The following PCDH9 variants were observed in gnomAD, a reference collection of about 807,000 sequenced individuals.
PCDH9 encodes the protein protocadherin-9.
In PCDH9, 24 loss-of-function variants were observed where a neutral mutation model predicts 70.6. The ratio of observed to expected loss-of-function variants is 0.34; its 90% CI spans 0.25 to 0.48. The LOEUF (loss-of-function observed/expected upper bound fraction) is 0.48. PCDH9 is among the 20% of genes least tolerant of loss of function. The pLI is 0.99. For missense variants in PCDH9, 1,281 were observed against 1,503.6 expected (o/e 0.85, Z 2.45); for synonymous variants, 562 against 558.5 (o/e 1.01, Z -0.09).
At chr13:66,689,898 C>T (rs2078458211) in intron 3 of PCDH9, among the ~76,000 whole-genome samples, 1 of 152,080 alleles carries the variant, frequency 6.6e-6, no homozygotes, top group African/African-American at 2.4e-5. Flanking sequence ...TTCTTGTCTT[C>T]TTTTTTATTT....
intron 2 of PCDH9, among the ~76,000 whole-genome samples, chr13:67,187,927 T>G (rs539409385): frequency 6.6e-6 from 1 of 152,220 alleles, no homozygotes; most frequent in East Asian, 1.9e-4. Context: ...AATTTTAATC[T>G]TTTAGTTATT....
At chr13:66,672,549 A>G (rs926709156) in intron 3 of PCDH9, among the ~76,000 whole-genome samples, 9 of 152,196 alleles carry the variant, frequency 5.9e-5, no homozygotes, top group Admixed American at 3.9e-4. Context: ...CTGTGAGAAG[A>G]CAGCCACCGT....
At chr13:67,117,803 G>C (rs2086806239) in intron 2 of PCDH9, among the ~76,000 whole-genome samples, 1 of 151,968 alleles carries the variant, frequency 6.6e-6, no homozygotes. Flanking sequence ...AGGTTTTTGA[G>C]TTATAAAAAT....
intron 4 of PCDH9, among the ~76,000 whole-genome samples, chr13:66,370,177 A>C (rs781177509): frequency 5.9e-5 from 9 of 152,034 alleles, no homozygotes; most frequent in Non-Finnish European, 1.2e-4. Flanking sequence ...TTTGAGATGT[A>C]AATCTTCTAC....
chr13:66,671,983 C>T (rs2078181444), intron 3 of PCDH9, among the ~76,000 whole-genome samples: 1 of 152,092 alleles, frequency 6.6e-6, no homozygotes, highest in South Asian at 2.1e-4. Context: ...ATTTCCAGGG[C>T]ATGTCAGAGG....
intron 4 of PCDH9, among the ~76,000 whole-genome samples, chr13:66,449,510 T>C (rs996448648): frequency 6.6e-6 from 1 of 152,182 alleles, no homozygotes; most frequent in Non-Finnish European, 1.5e-5. Flanking sequence ...GCCACCTGAC[T>C]TCCATCATTT....
chr13:67,109,213 T>G (rs886238999), intron 2 of PCDH9, among the ~76,000 whole-genome samples: 1 of 152,184 alleles, frequency 6.6e-6, no homozygotes, highest in African/African-American at 2.4e-5. Context: ...AACTGGGTTC[T>G]CCACCTTTGC....
chr13:66,538,056 C>T (rs1371240173), intron 4 of PCDH9, among the ~76,000 whole-genome samples: 1 of 152,024 alleles, frequency 6.6e-6, no homozygotes, highest in African/African-American at 2.4e-5. Flanking sequence ...ATTAGAGTTA[C>T]TTTGGTAGCC....
chr13:66,700,594 G>A (rs183586706), intron 3 of PCDH9, among the ~76,000 whole-genome samples: 254 of 152,084 alleles, frequency 1.7e-3, no homozygotes, highest in Non-Finnish European at 2.2e-3. Context: ...GAAGAACATT[G>A]GAAGGCCAGC....
intron 3 of PCDH9, among the ~76,000 whole-genome samples, chr13:66,860,003 A>C (rs953250806): frequency 6.6e-6 from 1 of 152,194 alleles, no homozygotes; most frequent in Non-Finnish European, 1.5e-5. Context: ...AGTCTGTTGC[A>C]CTACAAGGTA....
intron 4 of PCDH9, among the ~76,000 whole-genome samples, chr13:66,320,307 C>T (rs894683693): frequency 6.6e-6 from 1 of 152,028 alleles, no homozygotes; most frequent in Non-Finnish European, 1.5e-5. Flanking sequence ...AAGTTCTTGA[C>T]TTGGCCTCTG....
At chr13:66,687,063 A>G (rs917255034) in intron 3 of PCDH9, among the ~76,000 whole-genome samples, 1 of 152,146 alleles carries the variant, frequency 6.6e-6, no homozygotes, top group Admixed American at 6.6e-5. Flanking sequence ...AAAGTAAACT[A>G]CAAGTGACTC....
intron 4 of PCDH9, among the ~76,000 whole-genome samples, chr13:66,455,866 A>T (rs1222470692): frequency 6.6e-6 from 1 of 152,178 alleles, no homozygotes; most frequent in African/African-American, 2.4e-5. Flanking sequence ...AAAGGAAAGA[A>T]AATAAAAAGA....
intron 2 of PCDH9, among the ~76,000 whole-genome samples, chr13:67,096,676 G>T (rs1566422409): frequency 6.6e-6 from 1 of 152,058 alleles, no homozygotes; most frequent in Non-Finnish European, 1.5e-5. Context: ...AGAGATGGCA[G>T]GGCTGCAGAT....
At chr13:66,657,185 C>T (rs2077943922) in intron 3 of PCDH9, among the ~76,000 whole-genome samples, 1 of 152,164 alleles carries the variant, frequency 6.6e-6, no homozygotes, top group Non-Finnish European at 1.5e-5. Flanking sequence ...GTTTCTACTC[C>T]AGTTCCAGAA....
intron 2 of PCDH9, among the ~76,000 whole-genome samples, chr13:67,173,665 C>T (rs1471607080): frequency 6.6e-6 from 1 of 152,152 alleles, no homozygotes; most frequent in East Asian, 1.9e-4. Flanking sequence ...GAAAATGACC[C>T]TGGAAAATAG....
intron 2 of PCDH9, among the ~76,000 whole-genome samples, chr13:67,019,617 T>A (rs898739342): frequency 3.9e-5 from 6 of 152,206 alleles, no homozygotes; most frequent in African/African-American, 1.4e-4. Context: ...GGCACTGTAG[T>A]CTTTCCTTGA....
At chr13:66,899,103 C>T (rs2082233896) in intron 3 of PCDH9, among the ~76,000 whole-genome samples, 2 of 152,054 alleles carry the variant, frequency 1.3e-5, no homozygotes, top group Admixed American at 1.3e-4. Context: ...ATATTTCTAT[C>T]ACATGACTCA....
At chr13:66,440,593 T>C (rs1295090587) in intron 4 of PCDH9, among the ~76,000 whole-genome samples, 2 of 152,078 alleles carry the variant, frequency 1.3e-5, no homozygotes. Flanking sequence ...AATTTGTAGA[T>C]GATGAGAAAA....
Sources: allele counts gnomAD v4.1 joint callset (sites outside exome capture counted in the v4.1 genomes callset), GRCh38; gene constraint gnomAD v4.1.1; transcripts MANE v1.5; gene names NCBI Gene and HGNC (gene_info 2026-07-23, HGNC 2026-07-21).